NHSL2: variants seen among roughly 807,000 people sequenced by gnomAD.
The protein encoded by NHSL2 is NHS-like protein 2.
NHSL2 carries 27 observed loss-of-function variants against 53.4 expected under a neutral mutation model. The observed-to-expected ratio is 0.51, with a 90% confidence interval of 0.37 to 0.70. The LOEUF is 0.70. Ranked by LOEUF, NHSL2 falls within the 30% of genes least tolerant of loss-of-function variation. The probability of loss-of-function intolerance (pLI) is 0.00; values close to 1 mark genes in which losing one functional copy is unlikely to be tolerated. For missense variants in NHSL2, 892 were observed against 980.1 expected, an observed-to-expected ratio of 0.91 and a Z score of 1.20; for synonymous variants, 408 against 404.1, an observed-to-expected ratio of 1.01 and a Z score of -0.12.
rs2042481581 is a variant in NHSL2 at position 72,148,583 on chromosome X, AT to A, written c.*5010del. The A allele has an allele frequency of 8.9e-6, 1 of 112,405 alleles. No individual in the cohort carries two copies. Among genetic ancestry groups the A allele is most frequent in the African/African-American group, 3.2e-5 (1 of 30,942 alleles). The allele number at this position is 112,405 out of a possible 1,213,427, so 9.3% of individuals were successfully genotyped here. On this transcript the variant is annotated 3_prime_UTR_variant, in exon 8 of 8. Transcript: ENST00000633930. ...AAAAGTATAATGATATAAACATAAT[AT>A]GAAATAAGCAAATTTTAGAATACTT... is the stretch of plus-strand genomic sequence containing the variant.
intron 1 of NHSL2, among the ~76,000 whole-genome samples, chrX:72,059,297 C>T (rs1188043839): frequency 9.0e-6 from 1 of 111,047 alleles, no homozygotes; most frequent in Non-Finnish European, 1.9e-5. Context: ...TAACTGGTGT[C>T]CCGGCCCCTC....
At chrX:71,976,688 C>T (rs1400836605) in intron 1 of NHSL2, among the ~76,000 whole-genome samples, 1 of 112,096 alleles carries the variant, frequency 8.9e-6, no homozygotes, top group Non-Finnish European at 1.9e-5. Context: ...CAAACTGAGG[C>T]TAAGTGTCCT....
intron 1 of NHSL2, among the ~76,000 whole-genome samples, chrX:71,980,561 GTGTGT>G (rs1556318034): frequency 0.011 from 59 of 5,155 alleles, no homozygotes; most frequent in Admixed American, 0.014. Context: ...TGTGTGTGGG[GTGTGT>G]GGGGTGTGTG....
intron 1 of NHSL2, among the ~76,000 whole-genome samples, chrX:72,092,566 G>T (rs2041908243): frequency 9.0e-6 from 1 of 111,710 alleles, no homozygotes; most frequent in Admixed American, 9.4e-5. Context: ...GTGACCTAAA[G>T]AACAGTGCCC....
intron 1 of NHSL2, among the ~76,000 whole-genome samples, chrX:72,123,351 C>T (rs370060755): frequency 6.5e-4 from 73 of 112,153 alleles, no homozygotes; most frequent in African/African-American, 2.1e-3. Context: ...AGCAGGTCTA[C>T]AAGTCTTCCC....
At chrX:72,131,682 C>T in intron 1 of NHSL2, 1 of 544,483 alleles carries the variant, frequency 1.8e-6, no homozygotes, top group Non-Finnish European at 2.7e-6. Flanking sequence ...GGCCGGGCCA[C>T]ACCCACCGGG....
intron 1 of NHSL2, among the ~76,000 whole-genome samples, chrX:71,914,929 C>T (rs956990435): frequency 5.4e-5 from 6 of 110,108 alleles, no homozygotes; most frequent in Non-Finnish European, 1.1e-4. Flanking sequence ...TACTTTGTCT[C>T]TGTGGTACGT....
At chrX:72,091,475 G>A (rs2041899279) in intron 1 of NHSL2, among the ~76,000 whole-genome samples, 1 of 111,676 alleles carries the variant, frequency 9.0e-6, no homozygotes, top group Admixed American at 9.4e-5. Flanking sequence ...AAATTTTGAC[G>A]GTTAATGCCA....
chrX:72,148,530 A>G lies in NHSL2; in HGVS notation c.*4956A>G, dbSNP rs866849803. On this transcript the variant is annotated 3_prime_UTR_variant, in exon 8 of 8. Coordinates refer to ENST00000633930, the MANE Select transcript of NHSL2 (RefSeq NM_001013627.3). Reference sequence around the variant, plus strand: ...GGATAAGAGAGTGGGAAAGATGTATAAGGAAGTGCCTTTGTCAAAAGGCAG... The same window carrying G: ...GGATAAGAGAGTGGGAAAGATGTATGAGGAAGTGCCTTTGTCAAAAGGCAG... 2 of 111,925 alleles carry G rather than the reference A, an allele frequency of 1.8e-5. No homozygotes were observed. The highest frequency in any genetic ancestry group is 3.8e-5 in the Non-Finnish European group (2 of 53,277). 9.2% of individuals were successfully genotyped at this position (111,925 alleles called of 1,213,427 possible). A position where few individuals can be genotyped will look rare whatever the true frequency, so the allele number is the denominator to read the frequency against.
chrX:72,079,256 T>C (rs1357791087), intron 1 of NHSL2, among the ~76,000 whole-genome samples: 5 of 112,739 alleles, frequency 4.4e-5, no homozygotes, highest in African/African-American at 1.6e-4. Flanking sequence ...GAACAAGATA[T>C]GTTTTCAGTG....
At chrX:72,102,789 G>A (rs1386858865) in intron 1 of NHSL2, among the ~76,000 whole-genome samples, 8 of 112,223 alleles carry the variant, frequency 7.1e-5, no homozygotes, top group African/African-American at 2.6e-4. Context: ...TCTGACAATC[G>A]TGGGCTGCAG....
intron 1 of NHSL2, among the ~76,000 whole-genome samples, chrX:72,007,693 A>G (rs1199142978): frequency 4.4e-5 from 5 of 113,369 alleles, no homozygotes; most frequent in South Asian, 3.6e-4. Context: ...TAGAAAATCA[A>G]GGTCCTAAGG....
At chrX:72,083,498 T>C (rs2041809795) in intron 1 of NHSL2, among the ~76,000 whole-genome samples, 1 of 112,315 alleles carries the variant, frequency 8.9e-6, no homozygotes, top group South Asian at 3.6e-4. Context: ...TCTTCTTTTG[T>C]AACAAAGCTA....
rs1221677881 is a variant in NHSL2, at chrX:72,150,465, T to G, written c.*6891T>G. 8.9e-6 allele frequency: 1 copy of G among 112,338 alleles called. No individual in the cohort carries two copies. The highest frequency in any genetic ancestry group is 1.9e-5 in the Non-Finnish European group (1 of 53,299). 9.3% of individuals were successfully genotyped at this position (112,338 alleles called of 1,213,427 possible). A position where few individuals can be genotyped will look rare whatever the true frequency, so the allele number is the denominator to read the frequency against. ...CCTTCTTAATCTTTATGAGAAATTT[T>G]CAGACTGTTAAATGCTCATGAGATA... is the stretch of plus-strand genomic sequence containing the variant. On this transcript the variant is annotated 3_prime_UTR_variant, in exon 8 of 8. Transcript: ENST00000633930.
Position 72,140,570 on chromosome X carries a change from C to A in NHSL2, c.3022C>A (p.Pro1008Thr), listed in dbSNP as rs1435725568. Residue 1008 changes from proline (P) to threonine (T), a missense_variant, in exon 6 of 8, where the codon CCC (proline) becomes ACC (threonine). By Grantham distance (38) the Pro-to-Thr change is conservative. Coordinates refer to ENST00000633930, the MANE Select transcript of NHSL2 (RefSeq NM_001013627.3). ...GATTCCACCTCCCGTACCAAAAAAA[C>A]CCAGCGTGCTGTACCTGCCTCTCAC... ...GKIPPPVPKK[P>T]SVLYLPLTSP... 2 of 1,209,885 alleles carry A rather than the reference C, an allele frequency of 1.7e-6. No homozygotes were observed. The highest frequency in any genetic ancestry group is 1.8e-5 in the South Asian group (1 of 56,821).
In NHSL2 at chrX:72,095,695, G is replaced by A. The variant is rs141135970; in HGVS notation, c.281-36384G>A. 8.3e-3 allele frequency among the ~76,000 whole-genome samples: 922 copies of A among 111,683 alleles called. 5 individuals carry two copies. The highest frequency in any genetic ancestry group is 0.029 in the African/African-American group (874 of 30,659). On this transcript the variant is annotated intron_variant, in intron 1 of 7. Coordinates refer to ENST00000633930, the MANE Select transcript of NHSL2 (RefSeq NM_001013627.3). ...ACTCCATGCCCTCCACACTCCCGTA[G>A]CTCTCTGAGGGGTTTAGCCAGAAAG...
At chrX:72,034,295 G>A (rs2042230273) in intron 1 of NHSL2, among the ~76,000 whole-genome samples, 1 of 112,199 alleles carries the variant, frequency 8.9e-6, no homozygotes, top group African/African-American at 3.2e-5. Flanking sequence ...TGGTCATGGT[G>A]TATAATTCTT....
At chrX:72,131,179 G>A in intron 1 of NHSL2, 1 of 1,186,233 alleles carries the variant, frequency 8.4e-7, no homozygotes, top group Non-Finnish European at 1.1e-6. Context: ...GGGCAGCAGA[G>A]GGGGGTCAGC....
chrX:72,078,338 A>G (rs950547926), intron 1 of NHSL2, among the ~76,000 whole-genome samples: 5 of 112,735 alleles, frequency 4.4e-5, no homozygotes, highest in African/African-American at 9.7e-5. Context: ...GATTTGAAGC[A>G]GTATCAATGC....
Sources: allele counts gnomAD v4.1 joint callset (sites outside exome capture counted in the v4.1 genomes callset), GRCh38; gene constraint gnomAD v4.1.1; transcripts MANE v1.5; gene names NCBI Gene and HGNC (gene_info 2026-07-23, HGNC 2026-07-21).